Variants in COMMD1 observed in about 807,000 individuals in gnomAD.
COMMD1 encodes the protein copper metabolism domain containing 1.
A neutral mutation model predicts 17.2 loss-of-function variants in COMMD1; 10 were observed. That is an observed-to-expected ratio of 0.58 (90% CI 0.36 to 0.99). The LOEUF is 0.99. COMMD1 is among the 50% of genes least tolerant of loss of function. The pLI, the probability that COMMD1 is intolerant of heterozygous loss-of-function variation, is 0.01. For synonymous variants in COMMD1, 97 were observed against 91.6 expected (o/e 1.06, Z -0.34); for missense variants, 270 against 231.8 (o/e 1.17, Z -1.07).
At chr2:61,956,440 C>G (rs189762908) in intron 1 of COMMD1, among the ~76,000 whole-genome samples, 4 of 151,216 alleles carry the variant, frequency 2.6e-5, no homozygotes, top group Non-Finnish European at 5.9e-5. Context: ...GATGGAGTCT[C>G]GCTCTGTTGC....
chr2:62,096,345 T>G (rs1234743787), intron 2 of COMMD1, among the ~76,000 whole-genome samples: 4 of 152,202 alleles, frequency 2.6e-5, no homozygotes, highest in Middle Eastern at 3.2e-3. Context: ...TAGACTGAAT[T>G]TCACTACATT....
intron 1 of COMMD1, among the ~76,000 whole-genome samples, chr2:61,998,127 A>T (rs989511053): frequency 3.3e-5 from 5 of 152,184 alleles, no homozygotes; most frequent in African/African-American, 1.2e-4. Context: ...ATATAATTAA[A>T]GAAAGTTAGG....
chr2:61,924,307 G>C (rs1053922521), intron 1 of COMMD1, among the ~76,000 whole-genome samples: 6 of 151,950 alleles, frequency 3.9e-5, no homozygotes, highest in Non-Finnish European at 8.8e-5. Context: ...AGGAAGCAAG[G>C]GAGTGGGCTG....
chr2:61,953,393 G>C (rs1241838135), intron 1 of COMMD1, among the ~76,000 whole-genome samples: 1 of 136,788 alleles, frequency 7.3e-6, no homozygotes, highest in South Asian at 2.3e-4. Context: ...TTTTGAGACT[G>C]AGTCTCATTC....
rs747493211 is a variant in COMMD1 at position 62,000,975 on chromosome 2, A to G, written c.455A>G (p.Tyr152Cys). Residue 152 changes from tyrosine (Y) to cysteine (C), a missense_variant, in exon 2 of 3, where the codon TAT becomes TGT. Tyr to Cys is a radical substitution (Grantham distance 194, BLOSUM62 -2). Transcript: ENST00000311832. Reference sequence around the variant, plus strand: ...ATTATAGAGCTGGAATTAGGCAAATATGGACAGGTGAGTTAAACTTAAGTC... The same window carrying G: ...ATTATAGAGCTGGAATTAGGCAAATGTGGACAGGTGAGTTAAACTTAAGTC... ...VAIIELELGKYGQESEFLCLE... is the reference protein window; with the variant it reads ...VAIIELELGKCGQESEFLCLE... 3 of 1,612,878 alleles carry G rather than the reference A, an allele frequency of 1.9e-6. No individual in the cohort carries two copies. The highest frequency in any genetic ancestry group is 2.5e-6 in the Non-Finnish European group (3 of 1,180,008).
intron 1 of COMMD1, among the ~76,000 whole-genome samples, chr2:61,984,099 A>G (rs13429760): frequency 6.2e-4 from 95 of 152,168 alleles, no homozygotes; most frequent in African/African-American, 1.9e-3. Flanking sequence ...TCTCGGCTCA[A>G]CTGCAACCTC....
intron 2 of COMMD1, among the ~76,000 whole-genome samples, chr2:62,125,525 T>C (rs1245230664): frequency 6.6e-6 from 1 of 152,174 alleles, no homozygotes; most frequent in Non-Finnish European, 1.5e-5. Context: ...TATTGGCTAT[T>C]GTGTTTGAAA....
intron 1 of COMMD1, among the ~76,000 whole-genome samples, chr2:61,938,576 T>A (rs1301313282): frequency 6.6e-6 from 1 of 152,202 alleles, no homozygotes; most frequent in African/African-American, 2.4e-5. Context: ...TGCTTTCATG[T>A]TCTAAGGCCT....
intron 2 of COMMD1, among the ~76,000 whole-genome samples, chr2:62,085,847 G>T (rs1192933429): frequency 6.6e-6 from 1 of 152,080 alleles, no homozygotes; most frequent in Non-Finnish European, 1.5e-5. Flanking sequence ...GGGGCATGGT[G>T]GCGGGCGCCT....
At chr2:62,076,186 A>G (rs988528677) in intron 2 of COMMD1, among the ~76,000 whole-genome samples, 4 of 152,148 alleles carry the variant, frequency 2.6e-5, no homozygotes, top group East Asian at 1.9e-4. Flanking sequence ...AATGCTTACT[A>G]TGTTCAAAAC....
chr2:61,938,267 C>T (rs181980701), intron 1 of COMMD1, among the ~76,000 whole-genome samples: 3 of 144,442 alleles, frequency 2.1e-5, no homozygotes, highest in Non-Finnish European at 4.5e-5. Flanking sequence ...CCTGGGCATG[C>T]GTATTAAGAG....
intron 1 of COMMD1, among the ~76,000 whole-genome samples, chr2:61,992,395 T>C (rs922990207): frequency 1.3e-5 from 2 of 152,202 alleles, no homozygotes; most frequent in Admixed American, 1.3e-4. Context: ...AACAGGTTTT[T>C]CCACACAATG....
intron 1 of COMMD1, among the ~76,000 whole-genome samples, chr2:61,972,832 TTTTG>T (rs1279494766): frequency 1.3e-5 from 2 of 152,100 alleles, no homozygotes; most frequent in Admixed American, 6.6e-5. Context: ...AAAATTTCTG[TTTTG>T]TTTGTTTGTT....
chr2:62,104,351 A>T (rs1181956562), intron 2 of COMMD1, among the ~76,000 whole-genome samples: 1 of 152,036 alleles, frequency 6.6e-6, no homozygotes, highest in African/African-American at 2.4e-5. Context: ...AGAAAACAAC[A>T]GGCCAGGCGC....
intron 2 of COMMD1, among the ~76,000 whole-genome samples, chr2:62,103,892 G>A (rs778008983): frequency 1.3e-5 from 2 of 152,012 alleles, no homozygotes; most frequent in Non-Finnish European, 2.9e-5. Context: ...CCACGCTGGA[G>A]TGCAGTGGCA....
chr2:62,016,088 C>T (rs1669436770), intron 2 of COMMD1, among the ~76,000 whole-genome samples: 1 of 152,126 alleles, frequency 6.6e-6, no homozygotes, highest in Non-Finnish European at 1.5e-5. Context: ...CTGCCTTGGC[C>T]TCCCAAAGTG....
chr2:61,898,718 A>G lies in COMMD1; in HGVS notation n.119+9876A>G, dbSNP rs548240985. ...GACCAGTTGCTTAATGGAACTTAGGATGAAAACCTATTTGGCCACAATAGA... is the reference window on the plus strand; with the variant it reads ...GACCAGTTGCTTAATGGAACTTAGGGTGAAAACCTATTTGGCCACAATAGA... On this transcript the variant is annotated intron_variant and non_coding_transcript_variant, in intron 1 of 2. Transcript: ENST00000472729. 6.6e-5 allele frequency among the ~76,000 whole-genome samples: 10 copies of G among 152,224 alleles called. No homozygotes were observed. In the East Asian group the frequency reaches 1.9e-3, roughly 29 times the overall value.
intron 1 of COMMD1, among the ~76,000 whole-genome samples, chr2:61,969,881 C>T (rs558007590): frequency 1.3e-5 from 2 of 152,174 alleles, no homozygotes; most frequent in South Asian, 4.1e-4. Context: ...TTCCTTGGTA[C>T]AATCCAGCAA....
chr2:61,919,259 G>T (rs1158938381), intron 1 of COMMD1, among the ~76,000 whole-genome samples: 1 of 152,098 alleles, frequency 6.6e-6, no homozygotes, highest in East Asian at 1.9e-4. Context: ...TGATGTGCCC[G>T]CCTCGGCCTC....
Sources: gnomAD v4.1 joint callset for allele counts (sites outside exome capture counted in the v4.1 genomes callset) on GRCh38, gnomAD v4.1.1 for gene constraint, MANE v1.5 for transcripts, NCBI Gene and HGNC (gene_info 2026-07-23, HGNC 2026-07-21) for gene names.